POU6F2: variants seen among roughly 807,000 people sequenced by gnomAD.
The protein encoded by POU6F2 is POU domain, class 6, transcription factor 2.
Under a neutral mutation model 71.3 loss-of-function variants are expected in POU6F2, and 31 were observed. The ratio of observed to expected loss-of-function variants is 0.43; its 90% CI spans 0.33 to 0.59. The LOEUF (loss-of-function observed/expected upper bound fraction) is 0.59. POU6F2 is among the 20% of genes least tolerant of loss of function. The pLI, the probability that POU6F2 is intolerant of heterozygous loss-of-function variation, is 0.04. For synonymous variants in POU6F2, 347 were observed against 355.7 expected, an observed-to-expected ratio of 0.98 and a Z score of 0.27; for missense variants, 783 against 856.8, an observed-to-expected ratio of 0.91 and a Z score of 1.07.
At chr7:39,075,792 C>T (rs1790989955) in intron 1 of POU6F2, among the ~76,000 whole-genome samples, 1 of 152,220 alleles carries the variant, frequency 6.6e-6, no homozygotes, top group African/African-American at 2.4e-5. Flanking sequence ...TCTCTGTGCA[C>T]ACCTGGGTTC....
At chr7:39,106,068 T>C (rs1791678365) in intron 2 of POU6F2, among the ~76,000 whole-genome samples, 1 of 152,220 alleles carries the variant, frequency 6.6e-6, no homozygotes, top group Admixed American at 6.5e-5. Context: ...ACAAAAGCTC[T>C]TCCTTAAATC....
chr7:39,228,074 T>C (rs983866818), intron 4 of POU6F2, among the ~76,000 whole-genome samples: 21 of 152,216 alleles, frequency 1.4e-4, no homozygotes, highest in Non-Finnish European at 2.6e-4. Context: ...TTTTACATTC[T>C]AGGAATAGTT....
intron 4 of POU6F2, 44 bp from the exon 5 acceptor site, chr7:39,339,598 T>C (rs769040003): frequency 1.9e-6 from 3 of 1,540,844 alleles, no homozygotes; most frequent in Non-Finnish European, 2.6e-6. Flanking sequence ...AGCAAGACAC[T>C]TTGTCATGTT....
chr7:39,074,227 T>A (rs1402122026), intron 1 of POU6F2, among the ~76,000 whole-genome samples: 1 of 152,070 alleles, frequency 6.6e-6, no homozygotes, highest in Non-Finnish European at 1.5e-5. Context: ...CTCACACCTG[T>A]AATCCCAGCA....
chr7:39,322,221 G>A (rs1785412163), intron 4 of POU6F2, among the ~76,000 whole-genome samples: 1 of 152,180 alleles, frequency 6.6e-6, no homozygotes, highest in South Asian at 2.1e-4. Flanking sequence ...GCCAGGAGTG[G>A]AGCGTGACCA....
At chr7:39,364,558 C>A (rs1293791040) in intron 5 of POU6F2, among the ~76,000 whole-genome samples, 1 of 152,122 alleles carries the variant, frequency 6.6e-6, no homozygotes, top group African/African-American at 2.4e-5. Flanking sequence ...AGAATAATAG[C>A]CTCCAGTTTC....
At chr7:38,978,246 C>T (rs1459539241) in intron 1 of POU6F2, among the ~76,000 whole-genome samples, 188 bp downstream of exon 1, 3 of 152,204 alleles carry the variant, frequency 2.0e-5, no homozygotes, top group African/African-American at 7.2e-5. Flanking sequence ...CTTAAAACTT[C>T]AATGCGATCC....
chr7:39,191,495 A>G (rs1166162916), intron 2 of POU6F2, among the ~76,000 whole-genome samples: 1 of 150,334 alleles, frequency 6.7e-6, no homozygotes, highest in African/African-American at 2.4e-5. Flanking sequence ...TTATAATCAG[A>G]GTCCAAGTCA....
chr7:39,241,776 A>G (rs1783728683), intron 4 of POU6F2, among the ~76,000 whole-genome samples: 1 of 152,120 alleles, frequency 6.6e-6, no homozygotes, highest in Non-Finnish European at 1.5e-5. Context: ...ATAAAGCAAA[A>G]TCCACTCTTT....
chr7:39,266,073 T>C (rs1417780918), intron 4 of POU6F2, among the ~76,000 whole-genome samples: 1 of 152,188 alleles, frequency 6.6e-6, no homozygotes, highest in Non-Finnish European at 1.5e-5. Context: ...TCAAAGCATC[T>C]CACCCACTGG....
intron 5 of POU6F2, among the ~76,000 whole-genome samples, chr7:39,400,233 A>G (rs1455550417): frequency 6.6e-6 from 1 of 152,208 alleles, no homozygotes; most frequent in African/African-American, 2.4e-5. Flanking sequence ...AAGAATAACA[A>G]AAGATGTTTT....
chr7:39,289,048 C>T (rs1397594868), intron 4 of POU6F2, among the ~76,000 whole-genome samples: 1 of 152,202 alleles, frequency 6.6e-6, no homozygotes, highest in African/African-American at 2.4e-5. Context: ...AACTATAATT[C>T]CTTCTTTTCA....
intron 2 of POU6F2, among the ~76,000 whole-genome samples, chr7:39,108,016 A>C (rs771592200): frequency 9.9e-5 from 15 of 152,240 alleles, no homozygotes; most frequent in Non-Finnish European, 1.8e-4. Context: ...GGTAGAGTGT[A>C]AATCTGTAGC....
chr7:39,121,969 G>A (rs1023234739), intron 2 of POU6F2, among the ~76,000 whole-genome samples: 3 of 152,206 alleles, frequency 2.0e-5, no homozygotes, highest in African/African-American at 7.2e-5. Flanking sequence ...AAAGTTCTGG[G>A]ATTATAGGCA....
chr7:39,374,416 A>C (rs1049715986), intron 5 of POU6F2, among the ~76,000 whole-genome samples: 13 of 151,890 alleles, frequency 8.6e-5, no homozygotes, highest in Admixed American at 2.6e-4. Context: ...CTTTTCTTGA[A>C]CTCCAATCTA....
chr7:39,094,458 C>T (rs1584539272), intron 2 of POU6F2, among the ~76,000 whole-genome samples: 1 of 151,880 alleles, frequency 6.6e-6, no homozygotes, highest in Non-Finnish European at 1.5e-5. Flanking sequence ...TTATTAAGCA[C>T]AATTTTTTGT....
chr7:39,313,144 C>T (rs539039257), intron 4 of POU6F2, among the ~76,000 whole-genome samples: 1 of 152,174 alleles, frequency 6.6e-6, no homozygotes, highest in South Asian at 2.1e-4. Flanking sequence ...TCTGGTTTCC[C>T]TTATCTTTCC....
chr7:39,207,592 T>C lies in POU6F2; in HGVS notation c.570T>C (p.Ile190=). ...TGGCAGCAGCTGCAGCCGGAGGCATTATGACTCTGCCACTGCAAAATCTAC... is the reference window on the plus strand; with the variant it reads ...TGGCAGCAGCTGCAGCCGGAGGCATCATGACTCTGCCACTGCAAAATCTAC... ...GLVAAAAAGG[I]MTLPLQNLQA... Residue 190 remains isoleucine, a synonymous_variant, in exon 4 of 10, where the codon ATT becomes ATC. Transcript: ENST00000518318. The C allele has an allele frequency of 6.2e-7, 1 of 1,613,920 alleles. No individual in the cohort carries two copies. The highest frequency in any genetic ancestry group is 8.5e-7 in the Non-Finnish European group (1 of 1,179,826).
At chr7:39,178,538 G>A (rs1286262768) in intron 2 of POU6F2, among the ~76,000 whole-genome samples, 1 of 152,118 alleles carries the variant, frequency 6.6e-6, no homozygotes, top group African/African-American at 2.4e-5. Context: ...CAATTGGGAA[G>A]GATAGCCTAC....
Sources: allele counts gnomAD v4.1 joint callset (sites outside exome capture counted in the v4.1 genomes callset), GRCh38; gene constraint gnomAD v4.1.1; transcripts MANE v1.5; gene names NCBI Gene and HGNC (gene_info 2026-07-23, HGNC 2026-07-21).